Variants in MIEF1 observed in about 807,000 individuals in gnomAD.
The protein encoded by MIEF1 is mitochondrial dynamics protein MIEF1.
Under a neutral mutation model 35.1 loss-of-function variants are expected in MIEF1, and 14 were observed. The observed-to-expected ratio is 0.40, with a 90% CI of 0.26 to 0.62. The LOEUF (loss-of-function observed/expected upper bound fraction) is 0.62, where lower values mean the gene tolerates loss of function less well. Ranked by LOEUF, MIEF1 falls within the 20% of genes least tolerant of loss-of-function variation. The pLI, the probability that MIEF1 is intolerant of heterozygous loss-of-function variation, is 0.43. For missense variants in MIEF1, 542 were observed against 615.4 expected, an observed-to-expected ratio of 0.88 and a Z score of 1.26; for synonymous variants, 245 against 254.3, an observed-to-expected ratio of 0.96 and a Z score of 0.35.
chr22:39,512,045 C>A lies in MIEF1; in HGVS notation c.322+19C>A. On this transcript the variant is annotated intron_variant, in intron 4 of 5. Coordinates refer to ENST00000325301, the MANE Select transcript of MIEF1 (RefSeq NM_019008.6). ...GACACAGGTGAGAAGGGCTGCTGCC[C>A]CTCCTGGGACCTCTCTGGACTTTCA... 1 of 1,603,886 alleles carries A rather than the reference C, an allele frequency of 6.2e-7. No individual in the cohort carries two copies.
upstream of MIEF1, chr22:39,502,178 C>G (rs547290612): frequency 1.3e-5 from 2 of 152,204 alleles, no homozygotes; most frequent in South Asian, 4.1e-4. Flanking sequence ...GCAGGCCAGT[C>G]CCTTGGTGAG....
chr22:39,516,405 C>G lies in MIEF1; in HGVS notation c.*2082C>G, dbSNP rs558136153. ...AGCTTGCATCTCTGACCAAATTTCA[C>G]ATAAAACATTGGAAGGAGGCTGGGT... is the stretch of plus-strand genomic sequence containing the variant. On this transcript the variant is annotated 3_prime_UTR_variant, in exon 6 of 6. Coordinates refer to ENST00000325301, the MANE Select transcript of MIEF1 (RefSeq NM_019008.6). The G allele has an allele frequency of 3.9e-5, 6 of 152,306 alleles. No homozygotes were observed. Among genetic ancestry groups the G allele is most frequent in the Admixed American group, 6.5e-5 (1 of 15,294 alleles). The allele number at this position is 152,306 out of a possible 1,614,324, so 9.4% of individuals were successfully genotyped here.
chr22:39,508,661 C>A (rs1039615118), intron 2 of MIEF1, among the ~76,000 whole-genome samples: 1 of 152,204 alleles, frequency 6.6e-6, no homozygotes, highest in Admixed American at 6.5e-5. Context: ...AACGTTATCT[C>A]TTCTCCCTGG....
rs932820683 is a variant in MIEF1, at chr22:39,511,447, A to C, written c.144+9A>C. On this transcript the variant is annotated intron_variant, in intron 3 of 5. Coordinates refer to ENST00000325301, the MANE Select transcript of MIEF1 (RefSeq NM_019008.6). ...CGCTGGCAGTTAAGCGGGTAAGTGC[A>C]TGCAGCCAGGGCTGGGGGTGGAATG... The C allele has an allele frequency of 6.4e-7, 1 of 1,553,974 alleles. No homozygotes were observed. Among genetic ancestry groups the C allele is most frequent in the African/African-American group, 1.4e-5 (1 of 73,664 alleles).
At chr22:39,500,724 T>C (rs921435238), upstream of MIEF1, among the ~76,000 whole-genome samples, 1 of 151,878 alleles carries the variant, frequency 6.6e-6, no homozygotes, top group Non-Finnish European at 1.5e-5. Flanking sequence ...AGACCGAGTC[T>C]TGTTCTGTCG....
intron 2 of MIEF1, among the ~76,000 whole-genome samples, chr22:39,505,768 T>C (rs1489488854): frequency 5.3e-5 from 8 of 151,316 alleles, no homozygotes; most frequent in South Asian, 2.1e-4. Flanking sequence ...CCAGATCAGA[T>C]TGAGGGACCG....
intron 2 of MIEF1, among the ~76,000 whole-genome samples, chr22:39,509,776 T>C (rs1346381435): frequency 1.3e-5 from 2 of 152,210 alleles, no homozygotes; most frequent in Non-Finnish European, 2.9e-5. Context: ...GGGACCTTTC[T>C]CACATATGGA....
At chr22:39,512,135 T>TG in intron 4 of MIEF1, 97 bp from the exon 5 acceptor site, 1 of 1,557,870 alleles carries the variant, frequency 6.4e-7, no homozygotes, top group Non-Finnish European at 8.7e-7. Context: ...TGCCAGCACT[T>TG]GCCCTCCATG....
In MIEF1 at chr22:39,504,190, C is replaced by G. The variant is rs1445513088; in HGVS notation, c.-339-13C>G. On this transcript the variant is annotated splice_polypyrimidine_tract_variant and intron_variant, in intron 1 of 5. Coordinates refer to ENST00000325301, the MANE Select transcript of MIEF1 (RefSeq NM_019008.6). ...CTGATACTAGGCTTGTATGTCTTTC[C>G]TTCTGTTTATAGTGTGACACCCAGC... 3 of 398,876 alleles carry G rather than the reference C, an allele frequency of 7.5e-6. No homozygotes were observed. The highest frequency in any genetic ancestry group is 2.1e-5 in the African/African-American group (1 of 48,628). The allele number at this position is 398,876 out of a possible 1,614,324, so 24.7% of individuals were successfully genotyped here.
rs922639689 is a variant in MIEF1, at chr22:39,517,160, A to G, written c.*2837A>G. On this transcript the variant is annotated 3_prime_UTR_variant, in exon 6 of 6. Coordinates refer to ENST00000325301, the MANE Select transcript of MIEF1 (RefSeq NM_019008.6). ...TTTGCCTGAAGTAACAGCATCTTCT[A>G]CTTCTCCATCTAGAGATTTTTGTGT... The G allele has an allele frequency of 6.4e-6, 1 of 156,174 alleles. No homozygotes were observed. The highest frequency in any genetic ancestry group is 1.4e-5 in the Non-Finnish European group (1 of 70,436). The allele number at this position is 156,174 out of a possible 1,614,324, so 9.7% of individuals were successfully genotyped here.
chr22:39,507,284 A>C (rs367987533), intron 2 of MIEF1, among the ~76,000 whole-genome samples: 3 of 151,824 alleles, frequency 2.0e-5, no homozygotes, highest in Non-Finnish European at 4.4e-5. Flanking sequence ...TTGCTCTGTC[A>C]CCCAGGCTGG....
chr22:39,514,442 A>G lies in MIEF1; in HGVS notation c.*119A>G. On this transcript the variant is annotated 3_prime_UTR_variant, in exon 6 of 6. Transcript: ENST00000325301. Reference sequence around the variant, plus strand: ...GCTGCCTGGTGTCTTGCTGATCATCACCCTGGTCACTTCATGCTGATTAGA... The same window carrying G: ...GCTGCCTGGTGTCTTGCTGATCATCGCCCTGGTCACTTCATGCTGATTAGA... 2 of 907,584 alleles carry G rather than the reference A, an allele frequency of 2.2e-6. No individual in the cohort carries two copies. Among genetic ancestry groups the G allele is most frequent in the Non-Finnish European group, 3.4e-6 (2 of 588,728 alleles). 56.2% of individuals were successfully genotyped at this position (907,584 alleles called of 1,614,324 possible).
At chr22:39,501,284 C>G (rs959663164), upstream of MIEF1, among the ~76,000 whole-genome samples, 3 of 152,206 alleles carry the variant, frequency 2.0e-5, no homozygotes, top group Non-Finnish European at 2.9e-5. Context: ...GCCTGAAATG[C>G]TCTTCCCTGC....
chr22:39,512,407 C>T lies in MIEF1; in HGVS notation c.498C>T (p.Ala166=), dbSNP rs150244597. The T allele has an allele frequency of 4.3e-5, 69 of 1,614,032 alleles. No homozygotes were observed. The highest frequency in any genetic ancestry group is 3.1e-4 in the South Asian group (28 of 91,090). Residue 166 remains alanine (A), a synonymous_variant, in exon 5 of 6, where the codon GCC becomes GCT. Coordinates refer to ENST00000325301, the MANE Select transcript of MIEF1 (RefSeq NM_019008.6). ...RAKQAAVDIC[A]ELRSFLRAKL... is the part of the protein sequence containing the mutation. The stretch of plus-strand genomic sequence containing the variant: ...AGCAAGCTGCTGTGGACATATGTGC[C>T]GAGCTCCGGAGCTTCCTGCGGGCCA...
At position 39,515,420 on chromosome 22, in the gene MIEF1, C is replaced by A. The variant is rs1357248120; in HGVS notation, c.*1097C>A. 1 of 696,590 alleles carries A rather than the reference C, an allele frequency of 1.4e-6. No homozygotes were observed. Among genetic ancestry groups the A allele is most frequent in the Non-Finnish European group, 2.7e-6 (1 of 374,836 alleles). The allele number at this position is 696,590 out of a possible 1,614,324, so 43.2% of individuals were successfully genotyped here. A position where few individuals can be genotyped will look rare whatever the true frequency, so the allele number is the denominator to read the frequency against. On this transcript the variant is annotated 3_prime_UTR_variant, in exon 6 of 6. Transcript: ENST00000325301. The stretch of plus-strand genomic sequence containing the variant: ...CAGACCCAACAGCCAGCCCTTCATC[C>A]TCCAGCGTCTGCCATAGGAATGTGA...
At chr22:39,505,390 C>T (rs1929967674) in intron 2 of MIEF1, among the ~76,000 whole-genome samples, 1 of 152,062 alleles carries the variant, frequency 6.6e-6, no homozygotes, top group African/African-American at 2.4e-5. Context: ...GACGGTCTTG[C>T]TATGTTGCCC....
intron 5 of MIEF1, among the ~76,000 whole-genome samples, chr22:39,512,889 T>A (rs1930433457): frequency 6.6e-6 from 1 of 152,106 alleles, no homozygotes; most frequent in Admixed American, 6.5e-5. Flanking sequence ...CCTCAGGTGA[T>A]CCACCCACCT....
At position 39,516,793 on chromosome 22, in the gene MIEF1, A is replaced by C. The variant is rs529909263; in HGVS notation, c.*2470A>C. The C allele has an allele frequency of 3.9e-5, 6 of 152,362 alleles. No individual in the cohort carries two copies. In the South Asian group the frequency reaches 8.3e-4, roughly 21 times the overall value. 9.4% of individuals were successfully genotyped at this position (152,362 alleles called of 1,614,324 possible). A position where few individuals can be genotyped will look rare whatever the true frequency, so the allele number is the denominator to read the frequency against. On this transcript the variant is annotated 3_prime_UTR_variant, in exon 6 of 6. Coordinates refer to ENST00000325301, the MANE Select transcript of MIEF1 (RefSeq NM_019008.6). ...AGTTGAGTGTAATTGTCATTTAAGG[A>C]AGGCAAATGAGTTTATCATCCTTCT...
chr22:39,510,947 T>G (rs1930300404), intron 2 of MIEF1, among the ~76,000 whole-genome samples: 1 of 152,144 alleles, frequency 6.6e-6, no homozygotes, highest in African/African-American at 2.4e-5. Flanking sequence ...GAGACCTGCA[T>G]TTTAACATTG....
Sources: allele counts gnomAD v4.1 joint callset (sites outside exome capture counted in the v4.1 genomes callset), GRCh38; gene constraint gnomAD v4.1.1; transcripts MANE v1.5; gene names NCBI Gene and HGNC (gene_info 2026-07-23, HGNC 2026-07-21).